B4GALNT3: variants seen among roughly 807,000 people sequenced by gnomAD.
The protein encoded by B4GALNT3 is beta-1,4-N-acetylgalactosaminyltransferase 3.
B4GALNT3 carries 86 observed loss-of-function variants against 120.2 expected under a neutral mutation model. The ratio of observed to expected loss-of-function variants is 0.72; its 90% CI spans 0.60 to 0.86. B4GALNT3 has a LOEUF of 0.86. Among genes scored for constraint, B4GALNT3 ranks in the 40% least tolerant of loss-of-function variants. B4GALNT3 has a pLI of 0.00. For missense variants in B4GALNT3, 1,167 were observed against 1,298.9 expected (o/e 0.90, Z 1.56); for synonymous variants, 518 against 510.4 (o/e 1.01, Z -0.20).
At chr12:511,010 A>T (rs1182857705) in intron 1 of B4GALNT3, among the ~76,000 whole-genome samples, 19 of 49,102 alleles carry the variant, frequency 3.9e-4, no homozygotes, top group Admixed American at 2.8e-3. Context: ...GGATTTGCCT[A>T]TTCTTTTTTT....
intron 15 of B4GALNT3, 69 bp from the exon 16 acceptor site, chr12:557,539 G>T (rs879879604): frequency 5.9e-6 from 9 of 1,519,444 alleles, no homozygotes; most frequent in Non-Finnish European, 8.0e-6. Flanking sequence ...GGAGCTGGGG[G>T]TGGAGGCGCT....
At chr12:479,825 A>T (rs1946218331) in intron 1 of B4GALNT3, among the ~76,000 whole-genome samples, 1 of 151,698 alleles carries the variant, frequency 6.6e-6, no homozygotes, top group Admixed American at 6.6e-5. Flanking sequence ...TTGCTCATGT[A>T]AGTGCAGTGG....
At chr12:533,915 A>G (rs1256242228) in intron 1 of B4GALNT3, among the ~76,000 whole-genome samples, 1 of 151,972 alleles carries the variant, frequency 6.6e-6, no homozygotes, top group East Asian at 1.9e-4. Flanking sequence ...GGTGAAGCCC[A>G]TATTCGTGGG....
intron 1 of B4GALNT3, among the ~76,000 whole-genome samples, chr12:464,532 C>T (rs1946057791): frequency 6.6e-6 from 1 of 151,968 alleles, no homozygotes; most frequent in Non-Finnish European, 1.5e-5. Flanking sequence ...ACTGGGGAGG[C>T]TGAGGCAGGA....
At chr12:544,574 A>T in intron 4 of B4GALNT3, 140 bp downstream of exon 4, 5 of 783,080 alleles carry the variant, frequency 6.4e-6, no homozygotes, top group Non-Finnish European at 1.0e-5. Context: ...TCTGCCCATA[A>T]TAGTTCCCTT....
chr12:466,717 A>C (rs1946084450), intron 1 of B4GALNT3, among the ~76,000 whole-genome samples: 1 of 152,210 alleles, frequency 6.6e-6, no homozygotes, highest in Admixed American at 6.5e-5. Flanking sequence ...TATCCATTGG[A>C]TGAGCAAAAA....
intron 1 of B4GALNT3, among the ~76,000 whole-genome samples, chr12:509,216 T>A (rs1946523882): frequency 6.6e-6 from 1 of 152,204 alleles, no homozygotes; most frequent in African/African-American, 2.4e-5. Flanking sequence ...CAGCCCCCTT[T>A]GAGAGCTCAG....
chr12:547,148 G>T (rs543990191), intron 7 of B4GALNT3, among the ~76,000 whole-genome samples: 26 of 149,734 alleles, frequency 1.7e-4, no homozygotes, highest in Middle Eastern at 6.8e-3. Context: ...CACGCAGGCG[G>T]GAAGAGCGGG....
intron 1 of B4GALNT3, among the ~76,000 whole-genome samples, chr12:531,263 G>A (rs1433091339): frequency 2.0e-5 from 3 of 151,946 alleles, no homozygotes; most frequent in African/African-American, 7.3e-5. Context: ...GGGGGGCAAA[G>A]AGCAACACTG....
At chr12:541,480 G>A (rs982452345) in intron 3 of B4GALNT3, among the ~76,000 whole-genome samples, 3 of 152,138 alleles carry the variant, frequency 2.0e-5, no homozygotes, top group Non-Finnish European at 4.4e-5. Context: ...CTGGTGTGCT[G>A]GAGTCCCACG....
At chr12:473,737 TA>T (rs1946158608) in intron 1 of B4GALNT3, among the ~76,000 whole-genome samples, 1 of 152,168 alleles carries the variant, frequency 6.6e-6, no homozygotes, top group Non-Finnish European at 1.5e-5. Context: ...TATGCCAGGC[TA>T]TGCTCTGGGT....
chr12:466,887 G>A (rs1845005344), intron 1 of B4GALNT3, among the ~76,000 whole-genome samples: 2 of 151,880 alleles, frequency 1.3e-5, no homozygotes, highest in African/African-American at 4.8e-5. Flanking sequence ...TCAAGTATAT[G>A]TACGGAAAGC....
intron 1 of B4GALNT3, among the ~76,000 whole-genome samples, chr12:498,866 G>A (rs78004686): frequency 0.066 from 10,102 of 152,224 alleles, 409 homozygotes; most frequent in South Asian, 0.11. Flanking sequence ...GGCTGGGAGC[G>A]TCCAAAGCCA....
At chr12:529,571 T>C (rs1256729324) in intron 1 of B4GALNT3, among the ~76,000 whole-genome samples, 1 of 152,242 alleles carries the variant, frequency 6.6e-6, no homozygotes, top group Non-Finnish European at 1.5e-5. Flanking sequence ...TATATCGGGC[T>C]CCCTTGCCAT....
At chr12:472,141 A>T (rs1157770622) in intron 1 of B4GALNT3, among the ~76,000 whole-genome samples, 1 of 152,242 alleles carries the variant, frequency 6.6e-6, no homozygotes, top group Admixed American at 6.5e-5. Context: ...TTTTGTAGGG[A>T]ACACAAGTTC....
intron 1 of B4GALNT3, among the ~76,000 whole-genome samples, chr12:476,526 G>A (rs896737485): frequency 6.6e-5 from 10 of 152,152 alleles, no homozygotes; most frequent in South Asian, 6.2e-4. Flanking sequence ...CAGGTGGATC[G>A]CTTGAGCATA....
Position 561,471 on chromosome 12 carries a change from C to T in B4GALNT3, c.*20C>T. 6.4e-7 allele frequency: 1 copy of T among 1,555,862 alleles called. No individual in the cohort carries two copies. Among genetic ancestry groups the T allele is most frequent in the Non-Finnish European group, 8.8e-7 (1 of 1,133,892 alleles). ...CTGTAGCCGGAGGGTGTCCGCGGGG[C>T]CCAGCACTCCCCGCTCTGGACTAGC... On this transcript the variant is annotated 3_prime_UTR_variant, in exon 20 of 20. Transcript: ENST00000266383.
intron 1 of B4GALNT3, among the ~76,000 whole-genome samples, chr12:469,610 A>G (rs1946115713): frequency 6.6e-6 from 1 of 152,008 alleles, no homozygotes; most frequent in African/African-American, 2.4e-5. Flanking sequence ...ATCCCAGGCA[A>G]AGATTTATAT....
chr12:512,593 GCTTCCAC>G (rs201406579), intron 1 of B4GALNT3, among the ~76,000 whole-genome samples: 695 of 41,264 alleles, frequency 0.017, 8 homozygotes, highest in African/African-American at 0.032. Context: ...CCACCTTCGA[GCTTCCAC>G]CTTCCACCTT....
Sources: gnomAD v4.1 joint callset for allele counts (sites outside exome capture counted in the v4.1 genomes callset) on GRCh38, gnomAD v4.1.1 for gene constraint, MANE v1.5 for transcripts, NCBI Gene and HGNC (gene_info 2026-07-23, HGNC 2026-07-21) for gene names.